Variants in PRKG1 observed in about 807,000 individuals in gnomAD.
PRKG1 encodes cGMP-dependent protein kinase 1.
A neutral mutation model predicts 88.1 loss-of-function variants in PRKG1; 35 were observed. The ratio of observed to expected loss-of-function variants is 0.40; its 90% CI spans 0.30 to 0.53. The LOEUF (loss-of-function observed/expected upper bound fraction) is 0.53, where lower values mean the gene tolerates loss of function less well. Among genes scored for constraint, PRKG1 ranks in the 20% least tolerant of loss-of-function variants. The pLI is 0.59. For missense variants in PRKG1, 540 were observed against 839.8 expected (o/e 0.64, Z 4.41); for synonymous variants, 303 against 292.5 (o/e 1.04, Z -0.37).
intron 9 of PRKG1, among the ~76,000 whole-genome samples, chr10:52,240,053 G>C (rs1002865350): frequency 6.6e-5 from 10 of 152,152 alleles, no homozygotes; most frequent in African/African-American, 2.4e-4. Flanking sequence ...ATCTGATTTT[G>C]AGAGGGACAC....
chr10:51,919,794 A>G (rs12251023), intron 5 of PRKG1, among the ~76,000 whole-genome samples: 3,771 of 152,142 alleles, frequency 0.025, 153 homozygotes, highest in African/African-American at 0.086. Context: ...ATTGCCTGGA[A>G]CTTGTCTGTC....
chr10:52,263,975 C>T (rs1448878536), intron 10 of PRKG1, among the ~76,000 whole-genome samples: 1 of 152,078 alleles, frequency 6.6e-6, no homozygotes, highest in South Asian at 2.1e-4. Flanking sequence ...CATGTATGAT[C>T]TAGTTCAATA....
At chr10:51,365,924 A>T (rs1253183849) in intron 2 of PRKG1, among the ~76,000 whole-genome samples, 3 of 151,692 alleles carry the variant, frequency 2.0e-5, no homozygotes, top group Non-Finnish European at 2.9e-5. Flanking sequence ...CGAAAAAAAA[A>T]ATTGCTGTGT....
intron 9 of PRKG1, among the ~76,000 whole-genome samples, chr10:52,218,198 G>A (rs1215695476): frequency 3.6e-5 from 5 of 140,638 alleles, no homozygotes; most frequent in African/African-American, 1.0e-4. Flanking sequence ...GTGACAAAGC[G>A]AGACTCCATC....
At chr10:51,199,678 C>T (rs1465794665) in intron 2 of PRKG1, among the ~76,000 whole-genome samples, 2 of 152,150 alleles carry the variant, frequency 1.3e-5, no homozygotes, top group Admixed American at 1.3e-4. Flanking sequence ...ATTTCATCTC[C>T]CTGTGACTTT....
At chr10:51,972,308 A>T (rs1263592208) in intron 5 of PRKG1, among the ~76,000 whole-genome samples, 1 of 152,178 alleles carries the variant, frequency 6.6e-6, no homozygotes, top group Non-Finnish European at 1.5e-5. Flanking sequence ...TGCAATAATT[A>T]ACTTAACCAT....
intron 2 of PRKG1, among the ~76,000 whole-genome samples, chr10:51,264,533 T>C (rs1022555389): frequency 6.6e-6 from 1 of 152,188 alleles, no homozygotes; most frequent in East Asian, 1.9e-4. Context: ...TGTATCACGG[T>C]ATTCTGTGGC....
chr10:52,086,935 G>A (rs1158897316), intron 7 of PRKG1, among the ~76,000 whole-genome samples: 1 of 152,108 alleles, frequency 6.6e-6, no homozygotes, highest in Non-Finnish European at 1.5e-5. Flanking sequence ...GAGAAGTGCC[G>A]AGTAAAAGGG....
intron 5 of PRKG1, among the ~76,000 whole-genome samples, chr10:52,000,944 AT>A (rs1044813031): frequency 2.0e-5 from 3 of 152,048 alleles, no homozygotes; most frequent in Non-Finnish European, 4.4e-5. Context: ...ACTCAAAAAA[AT>A]GACTTCAATT....
chr10:51,502,067 A>G (rs931184477), intron 3 of PRKG1, among the ~76,000 whole-genome samples: 8 of 152,170 alleles, frequency 5.3e-5, no homozygotes, highest in African/African-American at 1.4e-4. Context: ...AAACAAAAAA[A>G]TACTTAAAAA....
chr10:51,567,904 A>G (rs1160005334), intron 3 of PRKG1, among the ~76,000 whole-genome samples: 3 of 152,002 alleles, frequency 2.0e-5, no homozygotes, highest in South Asian at 2.1e-4. Context: ...ATTTCATTTG[A>G]AGTTTTGTCA....
At chr10:52,046,065 T>C (rs1249248946) in intron 5 of PRKG1, among the ~76,000 whole-genome samples, 2 of 152,142 alleles carry the variant, frequency 1.3e-5, no homozygotes, top group Non-Finnish European at 2.9e-5. Context: ...GGGAGATCTC[T>C]GAATTTTGAA....
intron 3 of PRKG1, among the ~76,000 whole-genome samples, chr10:51,722,636 C>A (rs186235251): frequency 6.6e-6 from 1 of 152,200 alleles, no homozygotes. Context: ...GCAAAGAAAG[C>A]ATTTAAACCT....
intron 3 of PRKG1, among the ~76,000 whole-genome samples, chr10:51,707,541 A>T (rs1329376278): frequency 6.6e-6 from 1 of 152,176 alleles, no homozygotes; most frequent in Non-Finnish European, 1.5e-5. Flanking sequence ...AAGCCCTGTA[A>T]CTAGGTCTGA....
At chr10:51,110,196 CCT>C (rs1160690586) in intron 1 of PRKG1, among the ~76,000 whole-genome samples, 2 of 152,016 alleles carry the variant, frequency 1.3e-5, no homozygotes, top group Non-Finnish European at 2.9e-5. Flanking sequence ...CGATTCCACC[CCT>C]GTGTATTTAC....
At chr10:52,019,132 C>G (rs1229276144) in intron 5 of PRKG1, among the ~76,000 whole-genome samples, 1 of 152,024 alleles carries the variant, frequency 6.6e-6, no homozygotes, top group East Asian at 1.9e-4. Context: ...ATATAACAAC[C>G]AGCTTTCCTA....
At chr10:51,173,384 T>C (rs3862576) in intron 2 of PRKG1, among the ~76,000 whole-genome samples, 70,610 of 151,494 alleles carry the variant, frequency 0.47, 16,471 homozygotes, top group African/African-American at 0.54. Flanking sequence ...CCATGTAAAT[T>C]TTCAATTAAG....
intron 3 of PRKG1, among the ~76,000 whole-genome samples, chr10:51,477,338 TAGA>T (rs1840226212): frequency 6.7e-6 from 1 of 149,742 alleles, no homozygotes; most frequent in Non-Finnish European, 1.5e-5. Context: ...TCGAGACAAA[TAGA>T]AGAATTTGGA....
chr10:51,067,471 C>G (rs567111045), intron 1 of PRKG1, among the ~76,000 whole-genome samples: 1 of 152,082 alleles, frequency 6.6e-6, no homozygotes, highest in Non-Finnish European at 1.5e-5. Context: ...GCAATTTTCA[C>G]TAAGTTCTCT....
Sources: allele counts gnomAD v4.1 joint callset (sites outside exome capture counted in the v4.1 genomes callset), GRCh38; gene constraint gnomAD v4.1.1; transcripts MANE v1.5; gene names NCBI Gene and HGNC (gene_info 2026-07-23, HGNC 2026-07-21).